Variants in PRELID2 observed in about 807,000 individuals in gnomAD.
PRELID2 encodes PRELI domain containing 2.
Under a neutral mutation model 28.4 loss-of-function variants are expected in PRELID2, and 25 were observed. The ratio of observed to expected loss-of-function variants is 0.88; its 90% CI spans 0.64 to 1.23. PRELID2 has a LOEUF of 1.23. PRELID2 is among the 50% of genes most tolerant of loss of function. The pLI, the probability that PRELID2 is intolerant of heterozygous loss-of-function variation, is 0.00. For synonymous variants in PRELID2, 76 were observed against 71.6 expected, an observed-to-expected ratio of 1.06 and a Z score of -0.31; for missense variants, 201 against 214.4, an observed-to-expected ratio of 0.94 and a Z score of 0.39.
At chr5:145,790,534 G>C (rs1358130853) in intron 5 of PRELID2, among the ~76,000 whole-genome samples, 2 of 151,940 alleles carry the variant, frequency 1.3e-5, no homozygotes, top group African/African-American at 4.8e-5. Context: ...GGTTAGACAG[G>C]AGGAATAAGT....
chr5:145,810,424 T>A (rs1753848891), intron 4 of PRELID2, among the ~76,000 whole-genome samples: 1 of 152,166 alleles, frequency 6.6e-6, no homozygotes, highest in Non-Finnish European at 1.5e-5. Flanking sequence ...TCCATGCCAA[T>A]TGCTTGCATT....
chr5:145,651,761 C>T lies in PRELID2; in HGVS notation n.70+113170G>A, dbSNP rs953475713. 4.6e-5 allele frequency among the ~76,000 whole-genome samples: 7 copies of T among 152,248 alleles called. No homozygotes were observed. The East Asian group carries it at 5.8e-4, about 13-fold the overall frequency. Reference sequence around the variant, plus strand: ...ACACCAAAACCCCATCTGCACGTCACCATCATCAAAGACCAAGGTAGATAA... The same window carrying T: ...ACACCAAAACCCCATCTGCACGTCATCATCATCAAAGACCAAGGTAGATAA... On this transcript the variant is annotated intron_variant and non_coding_transcript_variant, in intron 1 of 2. Transcript: ENST00000510259.
At chr5:145,232,955 A>G in the PRELID2 span, among the ~76,000 whole-genome samples, 2 of 146,878 alleles carry the variant, frequency 1.4e-5, no homozygotes, top group Non-Finnish European at 3.0e-5. Context: ...AAAATAAAAT[A>G]TATATGTATG....
intron 1 of PRELID2, among the ~76,000 whole-genome samples, chr5:145,610,341 T>C (rs534500887): frequency 1.3e-5 from 2 of 152,304 alleles, no homozygotes; most frequent in South Asian, 2.1e-4. Context: ...AGGGTTAGTG[T>C]TCACTAGCCC....
chr5:145,697,036 TATATATATATATATATATATATA>T (rs1755286960), intron 1 of PRELID2, among the ~76,000 whole-genome samples: 1 of 11,132 alleles, frequency 9.0e-5, no homozygotes, highest in African/African-American at 2.2e-4. Context: ...AGGAAAATTA[TATATATATATATATATATATATA>T]TATATATATA....
intron 1 of PRELID2, among the ~76,000 whole-genome samples, chr5:145,740,933 T>A (rs1424016386): frequency 5.3e-5 from 2 of 38,016 alleles, no homozygotes; most frequent in African/African-American, 1.2e-4. Context: ...TCGATAAATA[T>A]ATATGTACAT....
chr5:145,611,309 A>G (rs1486288711), intron 1 of PRELID2, among the ~76,000 whole-genome samples: 1 of 152,042 alleles, frequency 6.6e-6, no homozygotes, highest in Non-Finnish European at 1.5e-5. Flanking sequence ...GATTACAGGC[A>G]TGCACCAACA....
At chr5:145,775,767 A>G (rs1014160877) in intron 5 of PRELID2, among the ~76,000 whole-genome samples, 2 of 152,224 alleles carry the variant, frequency 1.3e-5, no homozygotes, top group African/African-American at 4.8e-5. Context: ...GAGTGCTGTC[A>G]TTAACAAAAG....
the PRELID2 span, among the ~76,000 whole-genome samples, chr5:145,385,368 T>C: frequency 0.31 from 47,124 of 151,974 alleles, 7,805 homozygotes; most frequent in East Asian, 0.7. Context: ...GTCTATAAAA[T>C]TTTTTGTCCT....
intron 1 of PRELID2, among the ~76,000 whole-genome samples, chr5:145,647,062 T>G (rs1055455244): frequency 3.9e-5 from 6 of 152,238 alleles, no homozygotes; most frequent in African/African-American, 1.2e-4. Context: ...GGAGGTCCAC[T>G]GCTCTCTTCA....
the PRELID2 span, among the ~76,000 whole-genome samples, chr5:145,408,380 C>T: frequency 8.1e-6 from 1 of 123,034 alleles, no homozygotes; most frequent in East Asian, 2.1e-4. Context: ...AAGATGAAAA[C>T]CAACTTAAAG....
intron 1 of PRELID2, among the ~76,000 whole-genome samples, chr5:145,577,649 G>A (rs1753072085): frequency 6.6e-6 from 1 of 151,994 alleles, no homozygotes. Flanking sequence ...AGAAGTTCAA[G>A]AAGGAGAAGA....
At chr5:145,676,576 T>G (rs138629638) in intron 1 of PRELID2, among the ~76,000 whole-genome samples, 3 of 152,276 alleles carry the variant, frequency 2.0e-5, no homozygotes, top group Non-Finnish European at 2.9e-5. Context: ...ATTGCTCACT[T>G]TTGGAGAATT....
intron 1 of PRELID2, among the ~76,000 whole-genome samples, chr5:145,496,412 G>A (rs1752309889): frequency 6.6e-6 from 1 of 152,120 alleles, no homozygotes; most frequent in Non-Finnish European, 1.5e-5. Flanking sequence ...AGGAAAATTA[G>A]GAGGTAAGTA....
At chr5:145,765,822 A>G (rs1470455460) in intron 5 of PRELID2, among the ~76,000 whole-genome samples, 2 of 152,164 alleles carry the variant, frequency 1.3e-5, no homozygotes, top group African/African-American at 4.8e-5. Flanking sequence ...AAACCTCCAA[A>G]TAAGTACTAT....
intron 1 of PRELID2, among the ~76,000 whole-genome samples, chr5:145,682,144 G>C (rs1374878146): frequency 6.6e-6 from 1 of 152,070 alleles, no homozygotes; most frequent in African/African-American, 2.4e-5. Context: ...TATTCATTCT[G>C]TATGAAAGCA....
intron 1 of PRELID2, among the ~76,000 whole-genome samples, chr5:145,829,169 T>C (rs540994998): frequency 6.6e-6 from 1 of 152,124 alleles, no homozygotes; most frequent in African/African-American, 2.4e-5. Context: ...GCAAAGTGCT[T>C]GGATTATAGG....
the PRELID2 span, among the ~76,000 whole-genome samples, chr5:145,291,076 A>T: frequency 1.3e-5 from 2 of 152,020 alleles, no homozygotes; most frequent in African/African-American, 4.8e-5. Flanking sequence ...GCGGTGGCTC[A>T]CACCTGTAAT....
the PRELID2 span, among the ~76,000 whole-genome samples, chr5:145,352,227 G>A: frequency 6.6e-6 from 1 of 152,188 alleles, no homozygotes; most frequent in Admixed American, 6.5e-5. Flanking sequence ...GGTTCTCCAT[G>A]AGGGCCTCAC....
Sources: gnomAD v4.1 joint callset for allele counts (sites outside exome capture counted in the v4.1 genomes callset) on GRCh38, gnomAD v4.1.1 for gene constraint, MANE v1.5 for transcripts, NCBI Gene and HGNC (gene_info 2026-07-23, HGNC 2026-07-21) for gene names.